The following CERS6 variants were observed in gnomAD, a reference collection of about 807,000 sequenced individuals.
CERS6 encodes the protein LAG1 homolog, ceramide synthase 6.
In CERS6, 26 loss-of-function variants were observed where a neutral mutation model predicts 56.8. The ratio of observed to expected loss-of-function variants is 0.46; its 90% CI spans 0.34 to 0.63. The LOEUF (loss-of-function observed/expected upper bound fraction) is 0.63. CERS6 is among the 30% of genes least tolerant of loss of function. The pLI, the probability that CERS6 is intolerant of heterozygous loss-of-function variation, is 0.01. For missense variants in CERS6, 415 were observed against 467.5 expected, an observed-to-expected ratio of 0.89 and a Z score of 1.04; for synonymous variants, 164 against 173.3, an observed-to-expected ratio of 0.95 and a Z score of 0.42.
intron 4 of CERS6, among the ~76,000 whole-genome samples, chr2:168,643,081 G>C (rs377045174): frequency 1.3e-5 from 2 of 152,204 alleles, no homozygotes; most frequent in African/African-American, 4.8e-5. Context: ...TTCTGCCCAC[G>C]TGTGTGTATG....
rs1057008811 is a variant in CERS6 at position 168,745,391 on chromosome 2, A to G, written c.846-20201A>G. On this transcript the variant is annotated intron_variant, in intron 8 of 9. Transcript: ENST00000305747. ...CGAGTAGCTGGGACTACAGGCGCCC[A>G]CCACCACGCCTAGCTAATTTTTTGT... 8.6e-5 allele frequency among the ~76,000 whole-genome samples: 13 copies of G among 151,924 alleles called. No homozygotes were observed. The East Asian group carries it at 1.6e-3, about 18-fold the overall frequency.
At chr2:168,468,202 A>G (rs1039689843) in intron 1 of CERS6, among the ~76,000 whole-genome samples, 2 of 152,022 alleles carry the variant, frequency 1.3e-5, no homozygotes, top group Non-Finnish European at 2.9e-5. Flanking sequence ...GTGCCTTTGG[A>G]GAGAGACCCC....
intron 2 of CERS6, among the ~76,000 whole-genome samples, chr2:168,550,708 A>C (rs1263594467): frequency 6.6e-6 from 1 of 152,054 alleles, no homozygotes; most frequent in Non-Finnish European, 1.5e-5. Flanking sequence ...CACTGCCCCA[A>C]CCCATGGGTG....
chr2:168,623,513 T>C (rs558646927), intron 3 of CERS6, among the ~76,000 whole-genome samples: 2 of 152,358 alleles, frequency 1.3e-5, no homozygotes, highest in East Asian at 3.9e-4. Context: ...AGAGACACTT[T>C]GGCTAAAAGC....
chr2:168,653,697 G>A (rs1335572667), intron 4 of CERS6, among the ~76,000 whole-genome samples: 1 of 152,126 alleles, frequency 6.6e-6, no homozygotes, highest in African/African-American at 2.4e-5. Context: ...TCTCTTGTAT[G>A]GACTGCTGCA....
At chr2:168,512,362 A>G (rs1440082414) in intron 1 of CERS6, among the ~76,000 whole-genome samples, 3 of 152,150 alleles carry the variant, frequency 2.0e-5, no homozygotes, top group African/African-American at 7.2e-5. Flanking sequence ...TTTTACCACA[A>G]TTAAAAAAAA....
intron 4 of CERS6, among the ~76,000 whole-genome samples, chr2:168,647,458 A>T (rs1685233104): frequency 6.6e-6 from 1 of 152,196 alleles, no homozygotes; most frequent in African/African-American, 2.4e-5. Flanking sequence ...TGTTGTCTGC[A>T]AACAGAGATA....
intron 3 of CERS6, among the ~76,000 whole-genome samples, chr2:168,612,586 T>G (rs1684216786): frequency 6.6e-6 from 1 of 152,214 alleles, no homozygotes; most frequent in Non-Finnish European, 1.5e-5. Context: ...GAGCAACAGT[T>G]GATTAGCTTT....
At chr2:168,503,696 T>G (rs114673537) in intron 1 of CERS6, among the ~76,000 whole-genome samples, 1,668 of 152,196 alleles carry the variant, frequency 0.011, 29 homozygotes, top group African/African-American at 0.037. Context: ...TCCTTCTGGT[T>G]TATGGACAAG....
At chr2:168,524,128 T>C (rs1223099071) in intron 1 of CERS6, among the ~76,000 whole-genome samples, 1 of 152,192 alleles carries the variant, frequency 6.6e-6, no homozygotes, top group Non-Finnish European at 1.5e-5. Flanking sequence ...GTGTCTGACA[T>C]CTATTATTTG....
At chr2:168,631,100 GTT>G (rs11347055) in intron 4 of CERS6, 58 bp downstream of exon 4, 1,719 of 460,640 alleles carry the variant, frequency 3.7e-3, no homozygotes, top group South Asian at 8.2e-3. Context: ...CTATATCCTG[GTT>G]TTTTTTTTTA....
At chr2:168,731,976 G>T (rs1000022069) in intron 8 of CERS6, among the ~76,000 whole-genome samples, 4 of 152,172 alleles carry the variant, frequency 2.6e-5, no homozygotes, top group African/African-American at 7.2e-5. Context: ...TATACATTAA[G>T]TCTACAATAT....
intron 1 of CERS6, among the ~76,000 whole-genome samples, chr2:168,527,300 C>T (rs1192557871): frequency 6.6e-6 from 1 of 152,176 alleles, no homozygotes; most frequent in Non-Finnish European, 1.5e-5. Context: ...CCTACACATG[C>T]GTAGACTCCT....
intron 3 of CERS6, among the ~76,000 whole-genome samples, chr2:168,571,075 G>T (rs1695976856): frequency 6.6e-6 from 1 of 152,148 alleles, no homozygotes; most frequent in Non-Finnish European, 1.5e-5. Flanking sequence ...TCTGGGCCTT[G>T]TGTCTTACTT....
chr2:168,594,664 T>G (rs1268555197), intron 3 of CERS6, among the ~76,000 whole-genome samples: 1 of 152,180 alleles, frequency 6.6e-6, no homozygotes, highest in Non-Finnish European at 1.5e-5. Flanking sequence ...GATACCTCCT[T>G]TCCACCCCAG....
At chr2:168,601,697 G>A (rs1574092721) in intron 3 of CERS6, among the ~76,000 whole-genome samples, 2 of 152,006 alleles carry the variant, frequency 1.3e-5, no homozygotes, top group East Asian at 3.9e-4. Flanking sequence ...CTACAGGCGT[G>A]TGCCACCATG....
chr2:168,500,709 T>C (rs1694564397), intron 1 of CERS6, among the ~76,000 whole-genome samples: 1 of 152,178 alleles, frequency 6.6e-6, no homozygotes, highest in Non-Finnish European at 1.5e-5. Flanking sequence ...CCATACAATC[T>C]CAAGGGAACT....
chr2:168,553,810 T>G (rs1458027011), intron 2 of CERS6, among the ~76,000 whole-genome samples: 1 of 152,152 alleles, frequency 6.6e-6, no homozygotes, highest in Non-Finnish European at 1.5e-5. Context: ...GTTAATGTTC[T>G]AGGTTCTCAC....
intron 1 of CERS6, among the ~76,000 whole-genome samples, chr2:168,468,696 A>G (rs1693925299): frequency 1.3e-5 from 2 of 152,188 alleles, no homozygotes; most frequent in South Asian, 2.1e-4. Context: ...GACATTTACC[A>G]TAGACCTCTT....
Sources: gnomAD v4.1 joint callset for allele counts (sites outside exome capture counted in the v4.1 genomes callset) on GRCh38, gnomAD v4.1.1 for gene constraint, MANE v1.5 for transcripts, NCBI Gene and HGNC (gene_info 2026-07-23, HGNC 2026-07-21) for gene names.